MAGI2: variants seen among roughly 807,000 people sequenced by gnomAD.
MAGI2 encodes membrane associated guanylate kinase, WW and PDZ domain containing 2, also known as membrane-associated guanylate kinase, WW and PDZ domain-containing protein 2.
MAGI2 carries 35 observed loss-of-function variants against 133.3 expected under a neutral mutation model. That is an observed-to-expected ratio of 0.26 (90% CI 0.20 to 0.35). MAGI2 has a LOEUF of 0.35. Ranked by LOEUF, MAGI2 falls within the 10% of genes least tolerant of loss-of-function variation. MAGI2 has a pLI of 1.00. For missense variants in MAGI2, 1,636 were observed against 1,863.4 expected, an observed-to-expected ratio of 0.88 and a Z score of 2.25; for synonymous variants, 729 against 710.6, an observed-to-expected ratio of 1.03 and a Z score of -0.41.
intron 1 of MAGI2, among the ~76,000 whole-genome samples, chr7:79,342,666 T>C (rs146325549): frequency 2.6e-5 from 4 of 152,172 alleles, no homozygotes; most frequent in African/African-American, 9.6e-5. Flanking sequence ...AGGTTACTTG[T>C]TTATTTTACT....
At chr7:79,034,526 G>A (rs1235548826) in intron 1 of MAGI2, among the ~76,000 whole-genome samples, 4 of 152,014 alleles carry the variant, frequency 2.6e-5, no homozygotes, top group African/African-American at 9.7e-5. Flanking sequence ...TGTATTTCCT[G>A]TTGTTTTTTT....
At chr7:78,805,428 G>A (rs1226090810) in intron 2 of MAGI2, among the ~76,000 whole-genome samples, 1 of 152,138 alleles carries the variant, frequency 6.6e-6, no homozygotes, top group African/African-American at 2.4e-5. Flanking sequence ...AGGAGAGAAG[G>A]GAAAGTGCTG....
chr7:78,291,449 C>T (rs1180598750), intron 9 of MAGI2, among the ~76,000 whole-genome samples: 2 of 152,016 alleles, frequency 1.3e-5, no homozygotes, highest in Non-Finnish European at 2.9e-5. Context: ...AATAGCTTAC[C>T]AACCAAAAAA....
At chr7:78,223,679 G>C (rs999353586) in intron 10 of MAGI2, among the ~76,000 whole-genome samples, 1 of 152,114 alleles carries the variant, frequency 6.6e-6, no homozygotes, top group Admixed American at 6.5e-5. Flanking sequence ...ACCATTTACT[G>C]TAATGCCACA....
chr7:79,207,675 A>G (rs886317561), intron 1 of MAGI2, among the ~76,000 whole-genome samples: 1 of 151,934 alleles, frequency 6.6e-6, no homozygotes, highest in Non-Finnish European at 1.5e-5. Context: ...TATTCTTTAG[A>G]GAAACAAAGA....
At chr7:78,495,849 G>A (rs952270081) in intron 5 of MAGI2, among the ~76,000 whole-genome samples, 2 of 151,846 alleles carry the variant, frequency 1.3e-5, no homozygotes, top group Non-Finnish European at 2.9e-5. Context: ...TTTTCTGTCT[G>A]GAAATTACAC....
intron 1 of MAGI2, among the ~76,000 whole-genome samples, chr7:79,056,866 G>C (rs1813194192): frequency 6.6e-6 from 1 of 152,168 alleles, no homozygotes; most frequent in East Asian, 1.9e-4. Context: ...ACTATATTTA[G>C]TGGAGAAATT....
intron 2 of MAGI2, among the ~76,000 whole-genome samples, chr7:78,938,385 T>TA (rs1268385761): frequency 6.6e-5 from 10 of 151,484 alleles, no homozygotes; most frequent in East Asian, 1.9e-4. Flanking sequence ...TTGCGTATAG[T>TA]AAAAAAAAAT....
intron 2 of MAGI2, among the ~76,000 whole-genome samples, chr7:78,838,480 A>C (rs1052634711): frequency 6.7e-6 from 1 of 149,778 alleles, no homozygotes; most frequent in African/African-American, 2.5e-5. Flanking sequence ...ATACCTAAAA[A>C]TTAATTAAAT....
chr7:78,151,142 CA>C (rs1563185901), intron 16 of MAGI2, among the ~76,000 whole-genome samples: 1 of 149,790 alleles, frequency 6.7e-6, no homozygotes, highest in Non-Finnish European at 1.5e-5. Context: ...ACCAGGCGGC[CA>C]GGTTGTAATT....
chr7:79,193,559 G>C (rs1212434196), intron 1 of MAGI2, among the ~76,000 whole-genome samples: 1 of 151,756 alleles, frequency 6.6e-6, no homozygotes, highest in Non-Finnish European at 1.5e-5. Context: ...AACTGGCATT[G>C]CACAATGTAA....
chr7:79,308,112 A>G (rs1270191439), intron 1 of MAGI2, among the ~76,000 whole-genome samples: 8 of 152,222 alleles, frequency 5.3e-5, no homozygotes, highest in Non-Finnish European at 1.0e-4. Flanking sequence ...AAATAAAATT[A>G]TATTACTATA....
At chr7:78,076,648 C>T (rs1436749886) in intron 21 of MAGI2, among the ~76,000 whole-genome samples, 1 of 149,840 alleles carries the variant, frequency 6.7e-6, no homozygotes, top group Non-Finnish European at 1.5e-5. Flanking sequence ...AGATCGAGAC[C>T]ATCCTGGCTA....
intron 2 of MAGI2, among the ~76,000 whole-genome samples, chr7:78,684,290 GAA>G (rs1481785823): frequency 1.3e-5 from 2 of 152,082 alleles, no homozygotes; most frequent in African/African-American, 4.8e-5. Flanking sequence ...AAGTATCAAA[GAA>G]GAGAATAATT....
chr7:78,962,304 C>T (rs961700758), intron 2 of MAGI2, among the ~76,000 whole-genome samples: 4 of 152,048 alleles, frequency 2.6e-5, no homozygotes, highest in African/African-American at 4.8e-5. Flanking sequence ...AGGTCCGGAT[C>T]CAAGTCATAT....
At chr7:78,532,357 GA>G (rs1254525635) in intron 3 of MAGI2, among the ~76,000 whole-genome samples, 1 of 152,178 alleles carries the variant, frequency 6.6e-6, no homozygotes, top group Non-Finnish European at 1.5e-5. Flanking sequence ...ACATAATGTG[GA>G]AAACTGTCAT....
chr7:78,902,351 G>A (rs1476658795), intron 2 of MAGI2: 1 of 152,124 alleles, frequency 6.6e-6, no homozygotes, highest in Non-Finnish European at 1.5e-5. Flanking sequence ...TTTACCTCAT[G>A]ACAGTCTATC....
chr7:79,082,961 G>C (rs186757033), intron 1 of MAGI2, among the ~76,000 whole-genome samples: 180 of 151,542 alleles, frequency 1.2e-3, no homozygotes, highest in African/African-American at 3.7e-3. Flanking sequence ...AAATAAAATT[G>C]TTTTAATTTG....
chr7:78,950,428 A>T (rs1200322302), intron 2 of MAGI2, among the ~76,000 whole-genome samples: 1 of 152,168 alleles, frequency 6.6e-6, no homozygotes, highest in Non-Finnish European at 1.5e-5. Flanking sequence ...AAACATTAAG[A>T]CACTGATGTT....
Sources: gnomAD v4.1 joint callset for allele counts (sites outside exome capture counted in the v4.1 genomes callset) on GRCh38, gnomAD v4.1.1 for gene constraint, MANE v1.5 for transcripts, NCBI Gene and HGNC (gene_info 2026-07-23, HGNC 2026-07-21) for gene names.